CHSY3: variants seen among roughly 807,000 people sequenced by gnomAD.
CHSY3 encodes chondroitin sulfate synthase 3.
In CHSY3, 35 loss-of-function variants were observed where a neutral mutation model predicts 67.2. The ratio of observed to expected loss-of-function variants is 0.52; its 90% CI spans 0.40 to 0.69. CHSY3 has a LOEUF of 0.69. CHSY3 is among the 30% of genes least tolerant of loss of function. The pLI is 0.00. For missense variants in CHSY3, 1,069 were observed against 1,138.5 expected, an observed-to-expected ratio of 0.94 and a Z score of 0.88; for synonymous variants, 474 against 434.7, an observed-to-expected ratio of 1.09 and a Z score of -1.12.
chr5:129,944,547 C>G (rs1761795719), intron 2 of CHSY3, among the ~76,000 whole-genome samples: 1 of 152,116 alleles, frequency 6.6e-6, no homozygotes, highest in South Asian at 2.1e-4. Flanking sequence ...GTTGGTCAGG[C>G]TGGTCTTGAA....
chr5:130,070,450 ACCACGT>A (rs540614428), intron 2 of CHSY3, among the ~76,000 whole-genome samples: 1 of 152,124 alleles, frequency 6.6e-6, no homozygotes, highest in Non-Finnish European at 1.5e-5. Context: ...AAATGAATCC[ACCACGT>A]CCAGCTTTCC....
chr5:129,958,172 TTG>T (rs1762232028), intron 2 of CHSY3, among the ~76,000 whole-genome samples: 1 of 152,186 alleles, frequency 6.6e-6, no homozygotes, highest in Admixed American at 6.6e-5. Flanking sequence ...TGTTATTAGT[TTG>T]TGTGTTTGAC....
At chr5:129,927,338 T>A (rs1283194287) in intron 2 of CHSY3, among the ~76,000 whole-genome samples, 1 of 152,026 alleles carries the variant, frequency 6.6e-6, no homozygotes, top group Non-Finnish European at 1.5e-5. Context: ...TACATTTTTC[T>A]TAAAAAAAAC....
intron 2 of CHSY3, among the ~76,000 whole-genome samples, chr5:129,941,621 G>C (rs1168736859): frequency 6.6e-6 from 1 of 152,140 alleles, no homozygotes; most frequent in Admixed American, 6.6e-5. Context: ...GAGAGTGTCT[G>C]TCAGGGGAAA....
In CHSY3 at chr5:130,004,650, A is replaced by G. The variant is rs536717342; in HGVS notation, c.1086+96290A>G. On this transcript the variant is annotated intron_variant, in intron 2 of 2. Coordinates refer to ENST00000305031, the MANE Select transcript of CHSY3 (RefSeq NM_175856.5). ...AATCTAGTTTTAAAAATTGATATTT[A>G]GGGGTTGAGTTGGCTCTGAATTATT... is the stretch of plus-strand genomic sequence containing the variant. Among the ~76,000 whole-genome samples the G allele has an allele frequency of 1.1e-4, 17 of 152,302 alleles. No individual in the cohort carries two copies. In the East Asian group the frequency reaches 1.4e-3, roughly 12 times the overall value.
At chr5:130,134,714 T>C (rs1768602538) in intron 2 of CHSY3, among the ~76,000 whole-genome samples, 1 of 152,140 alleles carries the variant, frequency 6.6e-6, no homozygotes, top group African/African-American at 2.4e-5. Context: ...GTTTGCATCA[T>C]TTTTCTACAC....
chr5:130,159,077 G>A (rs1021524238), intron 2 of CHSY3, among the ~76,000 whole-genome samples: 1 of 151,944 alleles, frequency 6.6e-6, no homozygotes, highest in Non-Finnish European at 1.5e-5. Context: ...TGGGATTACA[G>A]GCGTGAACCA....
chr5:130,008,685 AG>A (rs1169947098), intron 2 of CHSY3, among the ~76,000 whole-genome samples: 1 of 152,224 alleles, frequency 6.6e-6, no homozygotes, highest in Non-Finnish European at 1.5e-5. Flanking sequence ...ATTGAAATTC[AG>A]GAGAAAGTTG....
intron 2 of CHSY3, among the ~76,000 whole-genome samples, chr5:130,066,666 C>G (rs780993776): frequency 2.0e-5 from 3 of 152,128 alleles, no homozygotes; most frequent in African/African-American, 4.8e-5. Context: ...TTATTCATAA[C>G]TTGCATAGCA....
chr5:130,153,618 G>T (rs1277179295), intron 2 of CHSY3, among the ~76,000 whole-genome samples: 1 of 152,034 alleles, frequency 6.6e-6, no homozygotes, highest in Non-Finnish European at 1.5e-5. Flanking sequence ...ACTTCAGCAT[G>T]CATCACACTG....
chr5:130,038,572 C>T (rs971147819), intron 2 of CHSY3, among the ~76,000 whole-genome samples: 9 of 152,072 alleles, frequency 5.9e-5, no homozygotes, highest in Admixed American at 1.3e-4. Flanking sequence ...AGAAAGGAAG[C>T]ACATTCAAGC....
intron 2 of CHSY3, among the ~76,000 whole-genome samples, chr5:129,928,219 C>T (rs1295135546): frequency 1.7e-5 from 2 of 116,242 alleles, no homozygotes; most frequent in East Asian, 6.0e-4. Context: ...GTGAAAGGCT[C>T]CAGTACTCAA....
chr5:129,909,305 A>G (rs1018511071), intron 2 of CHSY3, among the ~76,000 whole-genome samples: 1 of 152,126 alleles, frequency 6.6e-6, no homozygotes, highest in African/African-American at 2.4e-5. Flanking sequence ...ACAGCTTTGT[A>G]AATTATATCT....
intron 2 of CHSY3, among the ~76,000 whole-genome samples, chr5:130,098,549 G>GA (rs1001552427): frequency 6.6e-6 from 1 of 151,702 alleles, no homozygotes; most frequent in East Asian, 1.9e-4. Context: ...ACCAAGGGGA[G>GA]AAAAAAAATG....
At chr5:129,981,515 T>A (rs1459838755) in intron 2 of CHSY3, among the ~76,000 whole-genome samples, 1 of 151,996 alleles carries the variant, frequency 6.6e-6, no homozygotes, top group Non-Finnish European at 1.5e-5. Context: ...TTATTTTTTA[T>A]TATTTTTTAT....
intron 2 of CHSY3, among the ~76,000 whole-genome samples, chr5:130,068,175 A>G (rs1765945931): frequency 6.6e-6 from 1 of 152,194 alleles, no homozygotes. Context: ...TCATTATCAT[A>G]CACAGAGCAC....
chr5:129,977,164 A>C (rs1257951039), intron 2 of CHSY3, among the ~76,000 whole-genome samples: 2 of 152,096 alleles, frequency 1.3e-5, no homozygotes, highest in African/African-American at 4.8e-5. Flanking sequence ...ATGTGTTCCA[A>C]AGGTCCAAAT....
chr5:130,003,391 G>T (rs1763788970), intron 2 of CHSY3, among the ~76,000 whole-genome samples: 1 of 152,162 alleles, frequency 6.6e-6, no homozygotes, highest in Non-Finnish European at 1.5e-5. Context: ...TGATCTTTCA[G>T]ACTTGGATCT....
Position 129,940,961 on chromosome 5 carries a change from A to G in CHSY3, c.1086+32601A>G, listed in dbSNP as rs116455090. On this transcript the variant is annotated intron_variant, in intron 2 of 2. Coordinates refer to ENST00000305031, the MANE Select transcript of CHSY3 (RefSeq NM_175856.5). Reference sequence around the variant, plus strand: ...TCAGTAGGCACGGTGGCTCATGCCTATTATCCCAGCACTTTGGGAGGCTGA... The same window carrying G: ...TCAGTAGGCACGGTGGCTCATGCCTGTTATCCCAGCACTTTGGGAGGCTGA... Among the ~76,000 whole-genome samples the G allele has an allele frequency of 3.8e-3, 580 of 152,150 alleles. 8 individuals carry two copies. The highest frequency in any genetic ancestry group is 0.013 in the African/African-American group (545 of 41,508).
Sources: gnomAD v4.1 joint callset for allele counts (sites outside exome capture counted in the v4.1 genomes callset) on GRCh38, gnomAD v4.1.1 for gene constraint, MANE v1.5 for transcripts, NCBI Gene and HGNC (gene_info 2026-07-23, HGNC 2026-07-21) for gene names.